Variants in PCF11 observed in about 807,000 individuals in gnomAD.
PCF11 encodes PCF11 cleavage and polyadenylation factor subunit.
In PCF11, 19 loss-of-function variants were observed where a neutral mutation model predicts 166.1. That is an observed-to-expected ratio of 0.11 (90% CI 0.08 to 0.17). The LOEUF is 0.17. Ranked by LOEUF, PCF11 falls within the 10% of genes least tolerant of loss-of-function variation. PCF11 has a pLI of 1.00. For missense variants in PCF11, 1,565 were observed against 1,855.5 expected, an observed-to-expected ratio of 0.84 and a Z score of 2.88; for synonymous variants, 663 against 644.1, an observed-to-expected ratio of 1.03 and a Z score of -0.44.
chr11:83,168,750 A>C, exon 8 of PCF11: 1 of 1,613,792 alleles, frequency 6.2e-7, no homozygotes, highest in South Asian at 1.1e-5. Flanking sequence ...GCCCTTTGAG[A>C]TTTGAGGGGC....
chr11:83,159,077 C>G (rs1033809533), intron 1 of PCF11, among the ~76,000 whole-genome samples: 2 of 151,976 alleles, frequency 1.3e-5, no homozygotes. Flanking sequence ...TTAAAGAGGA[C>G]GAAAAGGAAG....
exon 14 of PCF11, chr11:83,182,428 A>G: frequency 6.3e-7 from 1 of 1,578,406 alleles, no homozygotes; most frequent in South Asian, 1.1e-5. Context: ...AACAATTTGA[A>G]CAATACTGGG....
chr11:83,158,788 T>A (rs1390468478), intron 1 of PCF11: 2 of 152,250 alleles, frequency 1.3e-5, no homozygotes, highest in African/African-American at 4.8e-5. Flanking sequence ...GGTTTCTGTC[T>A]AGTGTAAAAC....
chr11:83,171,866 T>A, exon 9 of PCF11: 1 of 1,605,292 alleles, frequency 6.2e-7, no homozygotes, highest in South Asian at 1.1e-5. Context: ...AGGACAACAG[T>A]TTTTACCAGT....
chr11:83,157,748 C>T lies in PCF11; in HGVS notation c.192+117C>T, dbSNP rs548257197. ...GACAGTGTTCCTTCTCTCCAACCCC[C>T]CCACCCCCCTCCAACTCAGGCTCGG... On this transcript the variant is annotated intron_variant, in intron 1 of 15. Coordinates refer to ENST00000298281, the Ensembl canonical transcript of PCF11. The T allele has an allele frequency of 5.4e-5, 50 of 926,082 alleles. No individual in the cohort carries two copies. In the South Asian group the frequency reaches 6.8e-4, roughly 13 times the overall value. 57.4% of individuals were successfully genotyped at this position (926,082 alleles called of 1,614,324 possible). A position where few individuals can be genotyped will look rare whatever the true frequency, so the allele number is the denominator to read the frequency against.
At chr11:83,180,268 A>G (rs1008381067) in intron 11 of PCF11, 2 of 151,756 alleles carry the variant, frequency 1.3e-5, no homozygotes, top group Non-Finnish European at 2.9e-5. Context: ...TTGTATTTTT[A>G]GTAGGGACAG....
At position 83,167,252 on chromosome 11, in the gene PCF11, A is replaced by G. The variant is rs1419146451; in HGVS notation, c.1945A>G (p.Asn649Asp). Reference sequence around the variant, plus strand: ...ACAGCATCGATTAAGTGTAGATGCCAATCTTCAGATTCCTAAAGAGTTAAC... The same window carrying G: ...ACAGCATCGATTAAGTGTAGATGCCGATCTTCAGATTCCTAAAGAGTTAAC... The change falls in exon 6 of 16, where the codon AAT (asparagine) becomes GAT (aspartate). Residue 649 changes from asparagine to aspartate, a missense_variant. Physicochemically the swap from Asn to Asp is conservative, Grantham distance 23. This residue lies in a region of PCF11 where 468 missense variants were observed against 483.4 expected (regional missense o/e 0.97). Coordinates refer to ENST00000298281, the Ensembl canonical transcript of PCF11. This position sits in a 1 kb window ranked among gnomAD's most constrained non-coding sequence, Gnocchi z 4.2. 6.2e-7 allele frequency: 1 copy of G among 1,613,650 alleles called. No individual in the cohort carries two copies. Among genetic ancestry groups the G allele is most frequent in the East Asian group, 2.2e-5 (1 of 44,860 alleles).
chr11:83,158,423 C>G (rs926823147), intron 1 of PCF11: 2 of 152,158 alleles, frequency 1.3e-5, no homozygotes, highest in Admixed American at 6.5e-5. Flanking sequence ...CTGAAAAGTT[C>G]AGTCCCTCCT....
chr11:83,171,755 G>C, intron 8 of PCF11, 63 bp from the exon 9 acceptor site: 1 of 831,502 alleles, frequency 1.2e-6, no homozygotes, highest in Non-Finnish European at 2.1e-6. Flanking sequence ...ATGTAATTAG[G>C]ATGTTAAAAG....
At chr11:83,173,936 G>C (rs1860787420) in intron 9 of PCF11, among the ~76,000 whole-genome samples, 1 of 151,624 alleles carries the variant, frequency 6.6e-6, no homozygotes, top group South Asian at 2.1e-4. Context: ...TCACCATATT[G>C]GTCAGGGTGG....
rs896067482 is a variant in PCF11, at chr11:83,178,221, C to T, written c.3983+402C>T. ...TTTTAGTAGAGATGGGGTTTCACCA[C>T]GTTGGCCAGGCTAGTCTCGAACTCC... On this transcript the variant is annotated intron_variant, in intron 11 of 15. Coordinates refer to ENST00000298281, the Ensembl canonical transcript of PCF11. 2.9e-4 allele frequency among the ~76,000 whole-genome samples: 44 copies of T among 151,654 alleles called. 2 individuals are homozygous for T. The highest frequency in any genetic ancestry group is 5.9e-5 in the Non-Finnish European group (4 of 67,906).
At chr11:83,159,013 CTT>C (rs1173061076) in intron 1 of PCF11, 1 of 152,164 alleles carries the variant, frequency 6.6e-6, no homozygotes, top group Non-Finnish European at 1.5e-5. Context: ...TCCATCCACT[CTT>C]TTGGGTAAAC....
intron 14 of PCF11, among the ~76,000 whole-genome samples, 172 bp downstream of exon 14, chr11:83,182,663 T>G (rs1861123903): frequency 6.6e-6 from 1 of 152,222 alleles, no homozygotes; most frequent in African/African-American, 2.4e-5. Context: ...ATCTTAGCAG[T>G]CACCCGGTTC....
chr11:83,163,982 A>G (rs1860354712), intron 3 of PCF11, 115 bp downstream of exon 3: 2 of 584,346 alleles, frequency 3.4e-6, no homozygotes, highest in South Asian at 3.1e-5. Context: ...AATTGGTTCA[A>G]TTTGAAAAAA....
At chr11:83,169,898 A>G (rs1448258279) in exon 8 of PCF11, 4 of 1,611,942 alleles carry the variant, frequency 2.5e-6, no homozygotes, top group African/African-American at 1.3e-5. Context: ...GCTTCTGGAC[A>G]CTATTTTGAT....
At chr11:83,157,782 C>T in intron 1 of PCF11, 151 bp downstream of exon 1, 3 of 700,612 alleles carry the variant, frequency 4.3e-6, no homozygotes, top group East Asian at 2.7e-5. Flanking sequence ...GGTCTTTGGC[C>T]CAGGCTTCGA....
At chr11:83,168,833 G>T (rs1180058853) in exon 8 of PCF11, 7 of 1,613,738 alleles carry the variant, frequency 4.3e-6, no homozygotes, top group Admixed American at 1.7e-5. Context: ...ACACCTCTGC[G>T]GTTTGAGGGC....
chr11:83,166,105 G>A, exon 5 of PCF11: 1 of 1,610,436 alleles, frequency 6.2e-7, no homozygotes, highest in Non-Finnish European at 8.5e-7. Flanking sequence ...AGAGATCCAA[G>A]ATTAAAAAAA....
At chr11:83,166,851 A>C (rs1860481500) in intron 5 of PCF11, 137 bp downstream of exon 5, 2 of 766,914 alleles carry the variant, frequency 2.6e-6, no homozygotes, top group Non-Finnish European at 4.2e-6. Context: ...CTGTGGGTTA[A>C]ATACTATTAT....
Sources: gnomAD v4.1 joint callset for allele counts (sites outside exome capture counted in the v4.1 genomes callset) on GRCh38, gnomAD v4.1.1 for gene constraint, gnomAD v4.1.1 regional missense constraint, Gnocchi (gnomAD v3.1) non-coding constraint, MANE v1.5 for transcripts, NCBI Gene and HGNC (gene_info 2026-07-23, HGNC 2026-07-21) for gene names.